Variants in SLC7A14 observed in about 807,000 individuals in gnomAD.
SLC7A14 encodes gamma-aminobutyric acid transporter SLC7A14.
A neutral mutation model predicts 60.2 loss-of-function variants in SLC7A14; 37 were observed. The observed-to-expected ratio is 0.61, with a 90% CI of 0.47 to 0.81. SLC7A14 has a LOEUF of 0.81. SLC7A14 is among the 30% of genes least tolerant of loss of function. The pLI, the probability that SLC7A14 is intolerant of heterozygous loss-of-function variation, is 0.00. For synonymous variants in SLC7A14, 399 were observed against 395.8 expected (o/e 1.01, Z -0.10); for missense variants, 886 against 982.7 (o/e 0.90, Z 1.32).
rs147231592 is a variant in SLC7A14, at chr3:170,480,577, C to T, written c.1705G>A (p.Val569Met). 60 of 1,614,082 alleles carry T rather than the reference C, an allele frequency of 3.7e-5. No individual in the cohort carries two copies. Among genetic ancestry groups the T allele is most frequent in the Admixed American group, 1.3e-4 (8 of 60,000 alleles). ...AATGHTVTIC[V>M]LLLFILMFIF... ...AACATGAGGATGAAGAGCAGGAGCA[C>T]GCAGATGGTCACCGTGTGCCCCGTC... The change falls in exon 7 of 8, where the codon GTG becomes ATG. Residue 569 changes from valine (V) to methionine (M), a missense_variant. Coordinates refer to ENST00000231706, the MANE Select transcript of SLC7A14 (RefSeq NM_020949.3).
At chr3:170,546,251 T>A (rs1043142301) in intron 1 of SLC7A14, among the ~76,000 whole-genome samples, 2 of 152,200 alleles carry the variant, frequency 1.3e-5, no homozygotes, top group African/African-American at 4.8e-5. Flanking sequence ...GGATTTCCAG[T>A]GACCTGGAAA....
intron 1 of SLC7A14, among the ~76,000 whole-genome samples, chr3:170,566,045 A>C (rs1026897993): frequency 6.6e-6 from 1 of 152,172 alleles, no homozygotes; most frequent in Admixed American, 6.5e-5. Flanking sequence ...GAACCATGGC[A>C]ATCATCTGTG....
intron 1 of SLC7A14, among the ~76,000 whole-genome samples, chr3:170,544,842 A>C (rs1446564072): frequency 6.6e-6 from 1 of 152,226 alleles, no homozygotes; most frequent in East Asian, 1.9e-4. Context: ...GTTAAAAGTG[A>C]CACAGCTGCT....
chr3:170,553,479 GTCA>G (rs1021795952), intron 1 of SLC7A14, among the ~76,000 whole-genome samples: 12 of 152,094 alleles, frequency 7.9e-5, no homozygotes, highest in Non-Finnish European at 1.3e-4. Context: ...CATCATCGTC[GTCA>G]TCATCATCAT....
At chr3:170,569,973 A>T (rs1227467070) in intron 1 of SLC7A14, 2 of 152,144 alleles carry the variant, frequency 1.3e-5, no homozygotes, top group Non-Finnish European at 2.9e-5. Flanking sequence ...TCCTGGATTC[A>T]TTAATTTTTT....
At position 170,486,203 on chromosome 3, in the gene SLC7A14, G is replaced by A. The variant is rs560543148; in HGVS notation, c.906+19C>T. On this transcript the variant is annotated intron_variant, in intron 5 of 7. Coordinates refer to ENST00000231706, the MANE Select transcript of SLC7A14 (RefSeq NM_020949.3). ...AGGGCCACATCGTGAGGAGGGTCCC[G>A]CAAGCATCTGGTACTTACAGACACA... 43 of 1,613,058 alleles carry A rather than the reference G, an allele frequency of 2.7e-5. No individual in the cohort carries two copies. Among genetic ancestry groups the A allele is most frequent in the African/African-American group, 1.3e-4 (10 of 74,874 alleles).
At position 170,526,627 on chromosome 3, in the gene SLC7A14, A is replaced by G. The variant is rs1028738005; in HGVS notation, c.304+6T>C. The G allele has an allele frequency of 1.2e-6, 2 of 1,613,360 alleles. No individual in the cohort carries two copies. The highest frequency in any genetic ancestry group is 1.7e-5 in the Admixed American group (1 of 59,992). On this transcript the variant is annotated splice_donor_region_variant and intron_variant, in intron 2 of 7. Transcript: ENST00000231706. ...CCACAGTACTTCCCTGCATGGAGAC[A>G]CTTACCTGATAATATGGATGCGACG... is the stretch of plus-strand genomic sequence containing the variant.
chr3:170,562,936 TTTTTTAGTA>T (rs1714693937), intron 1 of SLC7A14, among the ~76,000 whole-genome samples: 1 of 151,952 alleles, frequency 6.6e-6, no homozygotes, highest in South Asian at 2.1e-4. Context: ...AATTTTTGTA[TTTTTTAGTA>T]GAGATGGGGT....
At chr3:170,555,178 T>C (rs115474151) in intron 1 of SLC7A14, among the ~76,000 whole-genome samples, 1 of 140,954 alleles carries the variant, frequency 7.1e-6, no homozygotes, top group Non-Finnish European at 1.6e-5. Context: ...AAAAAAAATA[T>C]ATATATATAT....
chr3:170,576,642 C>T (rs896896702), intron 1 of SLC7A14, among the ~76,000 whole-genome samples: 3 of 152,232 alleles, frequency 2.0e-5, no homozygotes, highest in Non-Finnish European at 1.5e-5. Flanking sequence ...AGTAAACGCT[C>T]TCTGTCTGCA....
chr3:170,519,161 A>C (rs1160766900), intron 2 of SLC7A14, among the ~76,000 whole-genome samples: 1 of 152,198 alleles, frequency 6.6e-6, no homozygotes, highest in Non-Finnish European at 1.5e-5. Flanking sequence ...TCAGCTTCAC[A>C]ACTCCCTAGA....
chr3:170,571,230 A>C (rs557333493), intron 1 of SLC7A14, among the ~76,000 whole-genome samples: 1 of 152,202 alleles, frequency 6.6e-6, no homozygotes, highest in African/African-American at 2.4e-5. Context: ...CTTTGGGGTA[A>C]TCAAACAATC....
At chr3:170,495,524 G>T in intron 4 of SLC7A14, 1 of 745,208 alleles carries the variant, frequency 1.3e-6, no homozygotes, top group East Asian at 2.5e-5. Flanking sequence ...ACACGAATGG[G>T]CCTGGTGCCC....
rs747808220 is a variant in SLC7A14 at position 170,498,658 on chromosome 3, C to T, written c.759+9G>A. 2 of 1,613,836 alleles carry T rather than the reference C, an allele frequency of 1.2e-6. No homozygotes were observed. The highest frequency in any genetic ancestry group is 1.7e-6 in the Non-Finnish European group (2 of 1,179,878). ...TGACAGGCACACCAGGTGTTTGGAA[C>T]AAACTTACCCCTGACCAGCCGTGGG... On this transcript the variant is annotated intron_variant, in intron 4 of 7. Coordinates refer to ENST00000231706, the MANE Select transcript of SLC7A14 (RefSeq NM_020949.3).
Position 170,461,298 on chromosome 3 carries a change from C to G in SLC7A14, c.*5757G>C, listed in dbSNP as rs1577485036. On this transcript the variant is annotated 3_prime_UTR_variant, in exon 8 of 8. Transcript: ENST00000231706. ...ATGGGCTACAAAACTTCCACTCACCCCTTGTGGGTTCTAAGTCCTAAAAAA... is the reference window on the plus strand; with the variant it reads ...ATGGGCTACAAAACTTCCACTCACCGCTTGTGGGTTCTAAGTCCTAAAAAA... The G allele has an allele frequency of 6.6e-6, 1 of 152,280 alleles. No individual in the cohort carries two copies. The highest frequency in any genetic ancestry group is 1.9e-4 in the East Asian group (1 of 5,186). 9.4% of individuals were successfully genotyped at this position (152,280 alleles called of 1,614,324 possible).
Position 170,497,018 on chromosome 3 carries a change from G to A in SLC7A14, c.759+1649C>T, listed in dbSNP as rs372679498. On this transcript the variant is annotated intron_variant, in intron 4 of 7. Coordinates refer to ENST00000231706, the MANE Select transcript of SLC7A14 (RefSeq NM_020949.3). The stretch of plus-strand genomic sequence containing the variant: ...CAGCCCTAGCTCTCAGCCCACGCGC[G>A]GGGGAGTTTACTGCTTGGGGACCCC... 2.1e-4 allele frequency among the ~76,000 whole-genome samples: 32 copies of A among 151,288 alleles called. No homozygotes were observed. In the East Asian group the frequency reaches 5.9e-3, roughly 28 times the overall value.
intron 1 of SLC7A14, among the ~76,000 whole-genome samples, chr3:170,566,972 T>C (rs1167478992): frequency 6.6e-6 from 1 of 152,078 alleles, no homozygotes; most frequent in Admixed American, 6.5e-5. Context: ...CATTTACAAC[T>C]GATATTGTCC....
rs1436070240 is a variant in SLC7A14 at position 170,462,985 on chromosome 3, T to G, written c.*4070A>C. The G allele has an allele frequency of 6.6e-6, 1 of 152,214 alleles. No individual in the cohort carries two copies. Among genetic ancestry groups the G allele is most frequent in the Admixed American group, 6.5e-5 (1 of 15,282 alleles). The allele number at this position is 152,214 out of a possible 1,614,324, so 9.4% of individuals were successfully genotyped here. A position where few individuals can be genotyped will look rare whatever the true frequency, so the allele number is the denominator to read the frequency against. ...TTGTTAAATCAATTTGGAGTGTATA[T>G]GTGGCTTGTTAGTTCCTTGCATAGG... On this transcript the variant is annotated 3_prime_UTR_variant, in exon 8 of 8. Transcript: ENST00000231706.
chr3:170,526,554 A>G (rs577671857), intron 2 of SLC7A14, 79 bp downstream of exon 2: 1 of 1,494,056 alleles, frequency 6.7e-7, no homozygotes, highest in African/African-American at 1.4e-5. Flanking sequence ...ACCACTAAAT[A>G]CTCCGGAGAA....
Sources: gnomAD v4.1 joint callset for allele counts (sites outside exome capture counted in the v4.1 genomes callset) on GRCh38, gnomAD v4.1.1 for gene constraint, MANE v1.5 for transcripts, NCBI Gene and HGNC (gene_info 2026-07-23, HGNC 2026-07-21) for gene names.